ZBTB7C: variants seen among roughly 807,000 people sequenced by gnomAD.
ZBTB7C encodes zinc finger and BTB domain-containing protein 7C.
Under a neutral mutation model 25.7 loss-of-function variants are expected in ZBTB7C, and 8 were observed. The ratio of observed to expected loss-of-function variants is 0.31; its 90% CI spans 0.18 to 0.56. The LOEUF (loss-of-function observed/expected upper bound fraction) is 0.56, where lower values mean the gene tolerates loss of function less well. Ranked by LOEUF, ZBTB7C falls within the 20% of genes least tolerant of loss-of-function variation. The probability of loss-of-function intolerance (pLI) is 0.91; values close to 1 mark genes in which losing one functional copy is unlikely to be tolerated. For synonymous variants in ZBTB7C, 394 were observed against 369.0 expected (o/e 1.07, Z -0.78); for missense variants, 824 against 855.2 (o/e 0.96, Z 0.46).
intron 1 of ZBTB7C, among the ~76,000 whole-genome samples, chr18:48,367,290 A>G (rs1466470954): frequency 2.9e-5 from 4 of 137,388 alleles, no homozygotes; most frequent in Non-Finnish European, 4.7e-5. Context: ...GTAAATATGT[A>G]TCTATACATA....
intron 3 of ZBTB7C, among the ~76,000 whole-genome samples, chr18:48,160,086 C>T (rs1001030618): frequency 2.0e-5 from 3 of 152,238 alleles, no homozygotes; most frequent in Non-Finnish European, 2.9e-5. Context: ...GACCCACCTC[C>T]AGACCCACAG....
At chr18:48,115,860 C>T (rs757892196) in intron 3 of ZBTB7C, among the ~76,000 whole-genome samples, 2 of 151,948 alleles carry the variant, frequency 1.3e-5, no homozygotes, top group Non-Finnish European at 2.9e-5. Context: ...GGAATCTGCT[C>T]ACATAATTCA....
At chr18:48,334,422 G>A (rs899805462) in intron 2 of ZBTB7C, among the ~76,000 whole-genome samples, 1 of 152,084 alleles carries the variant, frequency 6.6e-6, no homozygotes, top group Non-Finnish European at 1.5e-5. Flanking sequence ...CCAAGAGAAG[G>A]GGCATCTTTT....
intron 2 of ZBTB7C, among the ~76,000 whole-genome samples, chr18:48,335,163 G>A (rs1472891918): frequency 6.6e-6 from 1 of 152,256 alleles, no homozygotes; most frequent in Admixed American, 6.5e-5. Context: ...AAGTGGCCCG[G>A]TTCTCATGCA....
intron 3 of ZBTB7C, among the ~76,000 whole-genome samples, chr18:48,063,311 C>G (rs2037195765): frequency 6.6e-6 from 1 of 152,238 alleles, no homozygotes; most frequent in African/African-American, 2.4e-5. Flanking sequence ...CTTTTCCCCC[C>G]CAGCTTACAC....
intron 3 of ZBTB7C, among the ~76,000 whole-genome samples, chr18:48,092,478 T>C (rs1227235138): frequency 6.6e-6 from 1 of 152,238 alleles, no homozygotes; most frequent in African/African-American, 2.4e-5. Context: ...TAAATTGATA[T>C]ACTCAAAGGT....
At chr18:48,139,182 G>A (rs915228617) in intron 3 of ZBTB7C, among the ~76,000 whole-genome samples, 7 of 152,162 alleles carry the variant, frequency 4.6e-5, no homozygotes, top group Admixed American at 1.3e-4. Flanking sequence ...TGCGGGAGTG[G>A]AGGCAGGAGG....
chr18:48,128,002 C>T (rs1024275487), intron 3 of ZBTB7C, among the ~76,000 whole-genome samples: 11 of 152,192 alleles, frequency 7.2e-5, no homozygotes, highest in African/African-American at 1.7e-4. Flanking sequence ...TGGAGGACCC[C>T]GTAAGCTCCA....
intron 4 of ZBTB7C, among the ~76,000 whole-genome samples, chr18:48,037,536 T>G (rs1173163111): frequency 6.6e-6 from 1 of 152,164 alleles, no homozygotes; most frequent in African/African-American, 2.4e-5. Flanking sequence ...AAACCTTCCC[T>G]TAAAACAGGG....
At chr18:48,293,897 C>A (rs1018262206) in intron 2 of ZBTB7C, among the ~76,000 whole-genome samples, 1 of 152,252 alleles carries the variant, frequency 6.6e-6, no homozygotes, top group Non-Finnish European at 1.5e-5. Context: ...GTATTACCAG[C>A]ATGAGCCACG....
At chr18:48,332,801 C>T (rs2046372478) in intron 2 of ZBTB7C, among the ~76,000 whole-genome samples, 1 of 151,108 alleles carries the variant, frequency 6.6e-6, no homozygotes, top group South Asian at 2.1e-4. Context: ...GTCCCAGGGT[C>T]TCAACAGTCC....
intron 3 of ZBTB7C, among the ~76,000 whole-genome samples, chr18:48,131,373 G>A (rs561042545): frequency 1.2e-4 from 19 of 152,316 alleles, no homozygotes; most frequent in Admixed American, 7.8e-4. Context: ...AAGAAGCACT[G>A]GAATTCACTT....
chr18:48,029,944 G>T, intron 4 of ZBTB7C, 33 bp from the exon 5 acceptor site: 1 of 1,607,034 alleles, frequency 6.2e-7, no homozygotes, highest in Non-Finnish European at 8.5e-7. Flanking sequence ...CAGTCCCGCA[G>T]GGAACACCAG....
intron 2 of ZBTB7C, among the ~76,000 whole-genome samples, chr18:48,324,948 A>G (rs1285033199): frequency 6.6e-6 from 1 of 152,174 alleles, no homozygotes; most frequent in Admixed American, 6.5e-5. Context: ...GTGATGCGAG[A>G]GGGTGCGTAG....
In ZBTB7C at chr18:48,039,961, T is replaced by G. The variant is rs1175351080; in HGVS notation, c.1147A>C (p.Met383Leu). The change falls in exon 4 of 5, where the codon ATG becomes CTG. Residue 383 changes from methionine (M) to leucine (L), a missense_variant. Met to Leu is a conservative substitution (Grantham distance 15). Around this residue, in one of 4 missense-constraint regions of ZBTB7C, gnomAD observed 49 missense variants for 81.3 expected, o/e 0.60. Transcript: ENST00000590800. ...IMGAGKLPRHMRTHTGEKPYM... is the reference protein window; with the variant it reads ...IMGAGKLPRHLRTHTGEKPYM... ...GGCTTCTCCCCGGTATGGGTCCTCA[T>G]GTGCCGCGGCAGCTTCCCGGCCCCC... 1.9e-6 allele frequency: 3 copies of G among 1,613,906 alleles called. No individual in the cohort carries two copies. Among genetic ancestry groups the G allele is most frequent in the East Asian group, 4.5e-5 (2 of 44,886 alleles).
At chr18:48,046,891 C>A (rs1043425340) in intron 3 of ZBTB7C, among the ~76,000 whole-genome samples, 1 of 152,222 alleles carries the variant, frequency 6.6e-6, no homozygotes, top group Admixed American at 6.5e-5. Context: ...GCCAGAAGCG[C>A]AAAGTGGATC....
intron 3 of ZBTB7C, among the ~76,000 whole-genome samples, chr18:48,044,314 A>G (rs1241758876): frequency 6.6e-6 from 1 of 152,168 alleles, no homozygotes; most frequent in Non-Finnish European, 1.5e-5. Flanking sequence ...GAGAGCTCTG[A>G]GGCCACCTCC....
intron 3 of ZBTB7C, among the ~76,000 whole-genome samples, chr18:48,183,153 G>T (rs146263524): frequency 6.6e-6 from 1 of 152,018 alleles, no homozygotes; most frequent in Non-Finnish European, 1.5e-5. Context: ...GCTATTAATT[G>T]CTCCCTCTCC....
intron 3 of ZBTB7C, among the ~76,000 whole-genome samples, chr18:48,098,537 T>C (rs2038719177): frequency 6.6e-6 from 1 of 152,212 alleles, no homozygotes; most frequent in African/African-American, 2.4e-5. Flanking sequence ...TTGTCACCAG[T>C]GCACCCTCTC....
Sources: allele counts gnomAD v4.1 joint callset (sites outside exome capture counted in the v4.1 genomes callset), GRCh38; gene constraint gnomAD v4.1.1; regional missense constraint gnomAD v4.1.1; transcripts MANE v1.5; gene names NCBI Gene and HGNC (gene_info 2026-07-23, HGNC 2026-07-21).